The following LNX1 variants were observed in gnomAD, a reference collection of about 807,000 sequenced individuals.
LNX1 encodes the protein ligand of numb-protein X 1, also known as E3 ubiquitin-protein ligase LNX.
LNX1 carries 54 observed loss-of-function variants against 68.4 expected under a neutral mutation model. The ratio of observed to expected loss-of-function variants is 0.79; its 90% CI spans 0.63 to 0.99. The LOEUF (loss-of-function observed/expected upper bound fraction) is 0.99. Ranked by LOEUF, LNX1 falls within the 50% of genes least tolerant of loss-of-function variation. LNX1 has a pLI of 0.00. For missense variants in LNX1, 906 were observed against 926.4 expected (o/e 0.98, Z 0.29); for synonymous variants, 336 against 350.0 (o/e 0.96, Z 0.45).
intron 1 of LNX1, chr4:53,576,081 C>T (rs546669063): frequency 5.8e-6 from 9 of 1,553,168 alleles, no homozygotes; most frequent in African/African-American, 2.7e-5. Context: ...AAGACCTGGT[C>T]GGGGACTTGG....
At chr4:53,574,765 C>T (rs1731380949) in intron 1 of LNX1, among the ~76,000 whole-genome samples, 1 of 152,198 alleles carries the variant, frequency 6.6e-6, no homozygotes, top group African/African-American at 2.4e-5. Context: ...CAGGCTACTT[C>T]ATAGAACTCT....
chr4:53,479,735 G>A (rs1454339912), intron 7 of LNX1, among the ~76,000 whole-genome samples: 2 of 152,152 alleles, frequency 1.3e-5, no homozygotes, highest in East Asian at 3.8e-4. Flanking sequence ...AATAGTTTAA[G>A]CTAATTAAAA....
Position 53,650,706 on chromosome 4 carries a change from T to A in LNX1, c.-215+1462A>T, listed in dbSNP as rs146334878. On this transcript the variant is annotated intron_variant, in intron 1 of 2. Coordinates refer to the LNX1 transcript ENST00000507168. ...CTCTGCTGTGAAACCTCTGTCCCCT[T>A]CCGTGTCCCCCCAAGAACCTCAACC... Among the ~76,000 whole-genome samples the A allele has an allele frequency of 4.2e-3, 634 of 152,216 alleles. 3 individuals are homozygous for A. The highest frequency in any genetic ancestry group is 0.017 in the Middle Eastern group (5 of 294).
chr4:53,524,694 A>G (rs1225229231), intron 2 of LNX1, among the ~76,000 whole-genome samples: 1 of 152,208 alleles, frequency 6.6e-6, no homozygotes, highest in Non-Finnish European at 1.5e-5. Context: ...AGAGACTACA[A>G]GTAAGGTTTA....
At chr4:53,537,013 T>TA (rs745751439) in intron 2 of LNX1, among the ~76,000 whole-genome samples, 6 of 152,258 alleles carry the variant, frequency 3.9e-5, no homozygotes, top group Non-Finnish European at 7.3e-5. Flanking sequence ...CCTTTTTGTT[T>TA]ACTGCTTTTT....
rs1173602266 is a variant in LNX1 at position 53,575,194 on chromosome 4, C to A, written c.-86-1106G>T. ...ACAGGGTTTCGCCATGTTGGCCAGG[C>A]TGGTCTTGAACTCCTGGCCTCAAGA... On this transcript the variant is annotated intron_variant, in intron 1 of 10. Coordinates refer to ENST00000263925, the MANE Select transcript of LNX1 (RefSeq NM_001126328.3). Among the ~76,000 whole-genome samples the A allele has an allele frequency of 2.6e-5, 4 of 152,140 alleles. No homozygotes were observed. The East Asian group carries it at 7.7e-4, about 29-fold the overall frequency.
At position 53,488,402 on chromosome 4, in the gene LNX1, C is replaced by T. The variant is rs548243358; in HGVS notation, c.1351-6548G>A. On this transcript the variant is annotated intron_variant, in intron 6 of 10. Coordinates refer to ENST00000263925, the MANE Select transcript of LNX1 (RefSeq NM_001126328.3). ...TCTTTCCCTTTCCAGGTCAACTATT[C>T]CTAGTTTTTTCCACATTAAATATCT... 1.2e-4 allele frequency among the ~76,000 whole-genome samples: 18 copies of T among 152,272 alleles called. No homozygotes were observed. The South Asian group carries it at 3.7e-3, about 32-fold the overall frequency.
chr4:53,584,134 G>A (rs1416716427), intron 1 of LNX1, among the ~76,000 whole-genome samples: 2 of 152,168 alleles, frequency 1.3e-5, no homozygotes. Context: ...AAGTGTTTAT[G>A]TGTGTATGGT....
At chr4:53,557,691 CT>C (rs1730013858) in intron 2 of LNX1, among the ~76,000 whole-genome samples, 1 of 150,402 alleles carries the variant, frequency 6.6e-6, no homozygotes, top group South Asian at 2.1e-4. Context: ...TAATATGGGG[CT>C]TTTTTGTTAA....
At chr4:53,511,485 A>G (rs1484012891) in intron 2 of LNX1, among the ~76,000 whole-genome samples, 1 of 152,170 alleles carries the variant, frequency 6.6e-6, no homozygotes, top group Non-Finnish European at 1.5e-5. Context: ...TTGAAGGATG[A>G]ATACAAGGAA....
chr4:53,640,930 C>T (rs969130006), intron 1 of LNX1, among the ~76,000 whole-genome samples: 2 of 152,208 alleles, frequency 1.3e-5, no homozygotes, highest in African/African-American at 4.8e-5. Context: ...CGTCGGCAGT[C>T]CTTCCGGGGC....
At chr4:53,536,994 G>A (rs184839700) in intron 2 of LNX1, among the ~76,000 whole-genome samples, 2 of 152,210 alleles carry the variant, frequency 1.3e-5, no homozygotes, top group African/African-American at 4.8e-5. Context: ...AATTACTTAG[G>A]AAAATCTACC....
intron 6 of LNX1, among the ~76,000 whole-genome samples, chr4:53,488,287 A>G (rs767709398): frequency 1.6e-4 from 24 of 152,328 alleles, no homozygotes; most frequent in Non-Finnish European, 3.1e-4. Context: ...TTGCCTGCCT[A>G]TTGGTCTAGT....
chr4:53,584,639 T>C (rs184683132), intron 1 of LNX1, among the ~76,000 whole-genome samples: 9 of 152,326 alleles, frequency 5.9e-5, no homozygotes, highest in African/African-American at 2.2e-4. Context: ...GGAAGAGTAG[T>C]GATCTCTTGA....
chr4:53,494,099 G>A (rs1369477556), intron 6 of LNX1, among the ~76,000 whole-genome samples: 2 of 152,172 alleles, frequency 1.3e-5, no homozygotes, highest in African/African-American at 2.4e-5. Context: ...ATCTCATCTT[G>A]AATTGTAGCT....
intron 2 of LNX1, among the ~76,000 whole-genome samples, chr4:53,525,284 C>G (rs568365666): frequency 2.0e-5 from 3 of 152,184 alleles, no homozygotes; most frequent in Non-Finnish European, 4.4e-5. Flanking sequence ...GAGTTTGAGA[C>G]CAGCCTGGCC....
At chr4:53,651,842 T>G (rs1183785300) in intron 1 of LNX1, among the ~76,000 whole-genome samples, 1 of 152,234 alleles carries the variant, frequency 6.6e-6, no homozygotes, top group African/African-American at 2.4e-5. Flanking sequence ...CTTACATTTT[T>G]ACTGACCTGT....
At chr4:53,497,011 C>A (rs1273049530) in intron 5 of LNX1, among the ~76,000 whole-genome samples, 40 of 152,074 alleles carry the variant, frequency 2.6e-4, no homozygotes, top group Non-Finnish European at 1.5e-5. Flanking sequence ...TGGTCCCCTG[C>A]AAGGTTTTTT....
chr4:53,500,642 G>A (rs1328521504), intron 4 of LNX1: 7 of 152,194 alleles, frequency 4.6e-5, no homozygotes, highest in African/African-American at 9.7e-5. Context: ...GAGGAAACCC[G>A]AGATGTTGTA....
Sources: gnomAD v4.1 joint callset for allele counts (sites outside exome capture counted in the v4.1 genomes callset) on GRCh38, gnomAD v4.1.1 for gene constraint, MANE v1.5 for transcripts, NCBI Gene and HGNC (gene_info 2026-07-23, HGNC 2026-07-21) for gene names.